WDR27: variants seen among roughly 807,000 people sequenced by gnomAD.
The protein encoded by WDR27 is WD repeat domain 27, also known as WD repeat-containing protein 27.
WDR27 carries 100 observed loss-of-function variants against 114.4 expected under a neutral mutation model. The observed-to-expected ratio is 0.87, with a 90% CI of 0.74 to 1.03. The LOEUF (loss-of-function observed/expected upper bound fraction) is 1.03, where lower values mean the gene tolerates loss of function less well. Among genes scored for constraint, WDR27 ranks in the 50% least tolerant of loss-of-function variants. The pLI, the probability that WDR27 is intolerant of heterozygous loss-of-function variation, is 0.00. For synonymous variants in WDR27, 449 were observed against 423.1 expected, an observed-to-expected ratio of 1.06 and a Z score of -0.75; for missense variants, 1,129 against 1,092.9, an observed-to-expected ratio of 1.03 and a Z score of -0.47.
intron 25 of WDR27, among the ~76,000 whole-genome samples, chr6:169,470,922 C>A (rs1291594162): frequency 6.6e-6 from 1 of 152,112 alleles, no homozygotes; most frequent in Non-Finnish European, 1.5e-5. Context: ...TAACCCTAAT[C>A]AGCCTCTGAA....
intron 21 of WDR27, among the ~76,000 whole-genome samples, chr6:169,629,927 CA>C (rs747455041): frequency 0.15 from 7,735 of 52,384 alleles, 395 homozygotes; most frequent in East Asian, 0.5. Flanking sequence ...AACTTCATCT[CA>C]AAAAAAAAAA....
chr6:169,668,148 A>G lies in WDR27; in HGVS notation c.494T>C (p.Val165Ala). ...TGGTGGGACTTTGTGGCGGTTATTA[A>G]CATCAGGACGTTCTATGTATGTCAC... ...FSVTYIERPD[V>A]NNRHKVPPPT... Residue 165 changes from valine to alanine, a missense_variant, in exon 5 of 26, where the codon GTT becomes GCT. Val to Ala is a moderately conservative substitution (Grantham distance 64, BLOSUM62 0). Coordinates refer to ENST00000448612, the MANE Select transcript of WDR27 (RefSeq NM_182552.5). 1 of 1,614,046 alleles carries G rather than the reference A, an allele frequency of 6.2e-7. No individual in the cohort carries two copies. The highest frequency in any genetic ancestry group is 8.5e-7 in the Non-Finnish European group (1 of 1,179,894).
At chr6:169,683,856 A>G (rs913200331) in intron 2 of WDR27, among the ~76,000 whole-genome samples, 10 of 152,198 alleles carry the variant, frequency 6.6e-5, no homozygotes, top group African/African-American at 2.4e-4. Context: ...GAGCTGCTGG[A>G]AATTCATGCT....
At chr6:169,536,603 C>T (rs1364318309) in intron 25 of WDR27, among the ~76,000 whole-genome samples, 1 of 152,148 alleles carries the variant, frequency 6.6e-6, no homozygotes, top group African/African-American at 2.4e-5. Flanking sequence ...TGTGATCATG[C>T]TCACTCACAC....
At chr6:169,523,787 T>TA (rs1349582475) in intron 25 of WDR27, among the ~76,000 whole-genome samples, 1 of 152,070 alleles carries the variant, frequency 6.6e-6, no homozygotes, top group Non-Finnish European at 1.5e-5. Flanking sequence ...AGAAGGAACA[T>TA]ACGTCAAAAT....
chr6:169,638,780 G>A (rs1818373650), intron 17 of WDR27, 120 bp from the exon 18 acceptor site: 1 of 1,285,470 alleles, frequency 7.8e-7, no homozygotes. Context: ...AGTAATTAGG[G>A]GCGCGCCAGG....
intron 25 of WDR27, among the ~76,000 whole-genome samples, chr6:169,552,825 ACT>A (rs896158109): frequency 2.0e-5 from 3 of 152,072 alleles, no homozygotes; most frequent in Non-Finnish European, 4.4e-5. Flanking sequence ...GTTTTAAAAG[ACT>A]CTCTCTCAGT....
At position 169,701,791 on chromosome 6, in the gene WDR27, G is replaced by C. The variant is rs1051099473; in HGVS notation, c.-248C>G. ...CCCTCAAATCGCCCCCTTTCCTAGAGACCTCAGCGGAGCCGCGAGCAACCG... is the reference window on the plus strand; with the variant it reads ...CCCTCAAATCGCCCCCTTTCCTAGACACCTCAGCGGAGCCGCGAGCAACCG... On this transcript the variant is annotated 5_prime_UTR_variant, in exon 1 of 26. Coordinates refer to ENST00000448612, the MANE Select transcript of WDR27 (RefSeq NM_182552.5). 3.5e-6 allele frequency: 1 copy of C among 286,324 alleles called. No homozygotes were observed. Among genetic ancestry groups the C allele is most frequent in the Middle Eastern group, 1.2e-3 (1 of 808 alleles). 17.7% of individuals were successfully genotyped at this position (286,324 alleles called of 1,614,324 possible). A position where few individuals can be genotyped will look rare whatever the true frequency, so the allele number is the denominator to read the frequency against.
At chr6:169,637,493 C>T (rs1817907148) in intron 18 of WDR27, among the ~76,000 whole-genome samples, 2 of 151,696 alleles carry the variant, frequency 1.3e-5, no homozygotes, top group Admixed American at 1.3e-4. Context: ...TGTATTAATA[C>T]GTGGCAAATA....
In WDR27 at chr6:169,679,000, T is replaced by C. The variant is rs138210140; in HGVS notation, c.190-6604A>G. Among the ~76,000 whole-genome samples, 437 of 152,330 alleles carry C rather than the reference T, an allele frequency of 2.9e-3. 6 individuals are homozygous for C. The highest frequency in any genetic ancestry group is 0.01 in the African/African-American group (425 of 41,578). ...AGAGCTTACTCTGCAGAGTAAAACA[T>C]GGTCTCCACAATCCTTTAGCTTAAC... On this transcript the variant is annotated intron_variant, in intron 2 of 25. Coordinates refer to ENST00000448612, the MANE Select transcript of WDR27 (RefSeq NM_182552.5).
chr6:169,627,254 A>T (rs915655684), intron 21 of WDR27, among the ~76,000 whole-genome samples: 2 of 152,238 alleles, frequency 1.3e-5, no homozygotes, highest in Non-Finnish European at 2.9e-5. Context: ...CAAACTAACA[A>T]AATATAAACA....
intron 25 of WDR27, among the ~76,000 whole-genome samples, chr6:169,550,783 A>T (rs1418146975): frequency 2.6e-5 from 4 of 151,832 alleles, no homozygotes; most frequent in Admixed American, 2.6e-4. Context: ...TGACTCAATC[A>T]CAGCTCACTG....
chr6:169,688,955 A>G lies in WDR27; in HGVS notation c.51T>C (p.Asp17=). The G allele has an allele frequency of 6.2e-7, 1 of 1,613,800 alleles. No individual in the cohort carries two copies. ...IFSSNGGCLS[D]IVIEKYLVES... is the part of the protein sequence containing the mutation. ...CAACCAGGTATTTTTCTATAACTATATCACTTAGACAGCCACCATTACTTG... is the reference window on the plus strand; with the variant it reads ...CAACCAGGTATTTTTCTATAACTATGTCACTTAGACAGCCACCATTACTTG... Residue 17 remains aspartate, a synonymous_variant, in exon 2 of 26, where the codon GAT becomes GAC. Transcript: ENST00000448612.
chr6:169,452,871 G>C (rs1266883182), downstream of WDR27, among the ~76,000 whole-genome samples: 1 of 152,182 alleles, frequency 6.6e-6, no homozygotes, highest in Non-Finnish European at 1.5e-5. Flanking sequence ...AGCTTGCTTT[G>C]TTATCCGGAG....
chr6:169,620,137 T>C (rs1268503537), intron 21 of WDR27, among the ~76,000 whole-genome samples: 1 of 152,120 alleles, frequency 6.6e-6, no homozygotes, highest in African/African-American at 2.4e-5. Context: ...TCCTCACCCC[T>C]TTAGGACACA....
intron 18 of WDR27, among the ~76,000 whole-genome samples, chr6:169,637,838 T>C (rs1818036473): frequency 6.6e-6 from 1 of 151,826 alleles, no homozygotes; most frequent in Non-Finnish European, 1.5e-5. Flanking sequence ...CGTATGTGTA[T>C]GCATCTACAC....
chr6:169,576,647 G>A (rs1321689304), intron 24 of WDR27, among the ~76,000 whole-genome samples: 1 of 151,766 alleles, frequency 6.6e-6, no homozygotes, highest in Non-Finnish European at 1.5e-5. Flanking sequence ...CATGCCTGTA[G>A]TATCAGCTAC....
intron 25 of WDR27, among the ~76,000 whole-genome samples, chr6:169,518,848 C>T (rs773163169): frequency 5.9e-5 from 9 of 152,182 alleles, no homozygotes; most frequent in Admixed American, 2.6e-4. Flanking sequence ...ATACAAATTC[C>T]AACTTTAAGT....
At chr6:169,547,473 C>T (rs1246318905) in intron 25 of WDR27, among the ~76,000 whole-genome samples, 4 of 152,140 alleles carry the variant, frequency 2.6e-5, no homozygotes, top group Non-Finnish European at 1.5e-5. Flanking sequence ...AGAAATTATA[C>T]ACCTTGACCA....
Sources: gnomAD v4.1 joint callset for allele counts (sites outside exome capture counted in the v4.1 genomes callset) on GRCh38, gnomAD v4.1.1 for gene constraint, MANE v1.5 for transcripts, NCBI Gene and HGNC (gene_info 2026-07-23, HGNC 2026-07-21) for gene names.